GALNT16: variants seen among roughly 807,000 people sequenced by gnomAD.
GALNT16 encodes polypeptide N-acetylgalactosaminyltransferase 16, also known as UDP-GalNAc:polypeptide N-acetylgalactosaminyltransferase-like protein 1.
GALNT16 carries 40 observed loss-of-function variants against 76.1 expected under a neutral mutation model. The ratio of observed to expected loss-of-function variants is 0.53; its 90% confidence interval spans 0.41 to 0.68. GALNT16 has a LOEUF of 0.68. Ranked by LOEUF, GALNT16 falls within the 30% of genes least tolerant of loss-of-function variation. The probability of loss-of-function intolerance (pLI) is 0.00; values close to 1 mark genes in which losing one functional copy is unlikely to be tolerated. For missense variants in GALNT16, 621 were observed against 731.9 expected, an observed-to-expected ratio of 0.85 and a Z score of 1.75; for synonymous variants, 276 against 285.2, an observed-to-expected ratio of 0.97 and a Z score of 0.32.
intron 1 of GALNT16, among the ~76,000 whole-genome samples, chr14:69,262,233 A>AGC (rs1372707955): frequency 6.6e-6 from 1 of 152,126 alleles, no homozygotes; most frequent in Non-Finnish European, 1.5e-5. Context: ...GAGAGGAGGG[A>AGC]AGAGAGCACA....
chr14:69,294,184 C>T (rs1359263645), intron 1 of GALNT16, among the ~76,000 whole-genome samples: 2 of 151,366 alleles, frequency 1.3e-5, no homozygotes, highest in Non-Finnish European at 2.9e-5. Context: ...TGCAATGGTG[C>T]GATCTCGGCT....
At chr14:69,332,655 T>A (rs1460935376) in intron 7 of GALNT16, 1 of 163,260 alleles carries the variant, frequency 6.1e-6, no homozygotes, top group Non-Finnish European at 1.3e-5. Flanking sequence ...CTTTGGGAAA[T>A]CACCTCAGGG....
the GALNT16 span, chr14:69,380,381 T>C: frequency 1.6e-5 from 7 of 448,478 alleles, no homozygotes; most frequent in Admixed American, 7.1e-5. Flanking sequence ...GGGTTTCCGA[T>C]TGAACAAGAT....
rs181060353 is a variant in GALNT16 at position 69,318,890 on chromosome 14, G to A, written c.178-1821G>A. ...ACAAAAAGAATCACTCTCCCTTTCA[G>A]AGTTGGATGGCTTGGATCCTTCTGG... On this transcript the variant is annotated intron_variant, in intron 1 of 14. Coordinates refer to ENST00000448469, the MANE Select transcript of GALNT16 (RefSeq NM_001168368.2). 5.9e-5 allele frequency among the ~76,000 whole-genome samples: 9 copies of A among 152,384 alleles called. No individual in the cohort carries two copies. In the East Asian group the frequency reaches 1.7e-3, roughly 29 times the overall value.
chr14:69,340,189 G>A (rs1001520371), intron 11 of GALNT16, among the ~76,000 whole-genome samples: 61 of 152,110 alleles, frequency 4.0e-4, no homozygotes, highest in Admixed American at 1.6e-3. Flanking sequence ...TCTTATTTCC[G>A]TTGTGGGTGC....
intron 11 of GALNT16, among the ~76,000 whole-genome samples, chr14:69,341,158 A>G (rs996271409): frequency 6.6e-6 from 1 of 152,148 alleles, no homozygotes; most frequent in East Asian, 1.9e-4. Context: ...TGTAGAGGAA[A>G]CTGAGGCTCA....
intron 12 of GALNT16, among the ~76,000 whole-genome samples, chr14:69,342,180 G>C (rs1472335704): frequency 6.6e-6 from 1 of 152,018 alleles, no homozygotes; most frequent in African/African-American, 2.4e-5. Flanking sequence ...AGGCACAGTG[G>C]GTTATGCCTG....
At chr14:69,311,302 A>G (rs1194777657) in intron 1 of GALNT16, among the ~76,000 whole-genome samples, 3 of 152,164 alleles carry the variant, frequency 2.0e-5, no homozygotes, top group Non-Finnish European at 4.4e-5. Flanking sequence ...TAAAGGTGTG[A>G]ACTCTCTCTG....
intron 1 of GALNT16, among the ~76,000 whole-genome samples, chr14:69,307,556 C>A (rs989351873): frequency 6.6e-6 from 1 of 152,120 alleles, no homozygotes; most frequent in African/African-American, 2.4e-5. Context: ...CTTGACACCC[C>A]AAGGCAGTAC....
At chr14:69,316,166 T>G (rs1043211641) in intron 1 of GALNT16, among the ~76,000 whole-genome samples, 1 of 152,060 alleles carries the variant, frequency 6.6e-6, no homozygotes, top group Non-Finnish European at 1.5e-5. Flanking sequence ...AGCCTATGAG[T>G]GGGGAAGAAG....
chr14:69,275,866 G>A (rs571441202), intron 1 of GALNT16, among the ~76,000 whole-genome samples: 3 of 152,242 alleles, frequency 2.0e-5, no homozygotes, highest in South Asian at 2.1e-4. Flanking sequence ...GTATTAGTCC[G>A]TTTTCACGCT....
In GALNT16 at chr14:69,261,595, T is replaced by G. The variant is rs2044273964; in HGVS notation, c.177+1128T>G. 1.4e-5 allele frequency among the ~76,000 whole-genome samples: 2 copies of G among 141,916 alleles called. No homozygotes were observed. Among genetic ancestry groups the G allele is most frequent in the Non-Finnish European group, 1.5e-5 (1 of 64,876 alleles). The allele number at this position is 141,916 out of a possible 152,430, so 93.1% of individuals were successfully genotyped here. A position where few individuals can be genotyped will look rare whatever the true frequency, so the allele number is the denominator to read the frequency against. On this transcript the variant is annotated intron_variant, in intron 1 of 14. Coordinates refer to ENST00000448469, the MANE Select transcript of GALNT16 (RefSeq NM_001168368.2). This position sits in a 1 kb window ranked among gnomAD's most constrained non-coding sequence, Gnocchi z 6.4. The stretch of plus-strand genomic sequence containing the variant: ...AGATCTGGGCCTGGGGGTGGAGGGG[T>G]GAGGAGATCCGCGGGGGAGGTGCAA...
intron 1 of GALNT16, among the ~76,000 whole-genome samples, chr14:69,289,043 A>G (rs540401424): frequency 6.6e-6 from 1 of 152,212 alleles, no homozygotes; most frequent in Non-Finnish European, 1.5e-5. Flanking sequence ...ATGCCTGGCT[A>G]ATTTTTAAAT....
At chr14:69,343,886 G>T (rs757778589) in intron 12 of GALNT16, among the ~76,000 whole-genome samples, 1 of 152,208 alleles carries the variant, frequency 6.6e-6, no homozygotes, top group Non-Finnish European at 1.5e-5. Flanking sequence ...AACCAGCTAC[G>T]TCGATGAGGA....
At chr14:69,268,510 C>T (rs960378562) in intron 1 of GALNT16, among the ~76,000 whole-genome samples, 23 of 152,054 alleles carry the variant, frequency 1.5e-4, no homozygotes, top group Non-Finnish European at 2.6e-4. Flanking sequence ...TAGGAGGGGC[C>T]CCTCCTGCCT....
At chr14:69,307,373 G>C (rs1223507387) in intron 1 of GALNT16, among the ~76,000 whole-genome samples, 3 of 152,216 alleles carry the variant, frequency 2.0e-5, no homozygotes. Context: ...AGTCCTCACT[G>C]TTTCAGCATT....
rs376472949 is a variant in GALNT16, at chr14:69,352,215, C to T, written c.*47C>T. 1.6e-5 allele frequency: 25 copies of T among 1,536,580 alleles called. No individual in the cohort carries two copies. The highest frequency in any genetic ancestry group is 4.9e-5 in the South Asian group (4 of 80,860). ...TACCTTTTGCATGAGACTTCGGGAC[C>T]GGAAGGGGGTTAGGGTGGGGGAGTG... On this transcript the variant is annotated 3_prime_UTR_variant, in exon 15 of 15. Transcript: ENST00000448469.
chr14:69,340,134 A>G (rs1182074388), intron 11 of GALNT16, among the ~76,000 whole-genome samples: 1 of 152,222 alleles, frequency 6.6e-6, no homozygotes, highest in Non-Finnish European at 1.5e-5. Flanking sequence ...AGGATAGAAA[A>G]TAAGAGTTGA....
At chr14:69,324,029 G>C (rs2045241321) in intron 2 of GALNT16, among the ~76,000 whole-genome samples, 1 of 152,170 alleles carries the variant, frequency 6.6e-6, no homozygotes, top group Non-Finnish European at 1.5e-5. Context: ...GGAGCCAGTA[G>C]GCCAGAAAAT....
Sources: allele counts gnomAD v4.1 joint callset (sites outside exome capture counted in the v4.1 genomes callset), GRCh38; gene constraint gnomAD v4.1.1; non-coding constraint Gnocchi (gnomAD v3.1); transcripts MANE v1.5; gene names NCBI Gene and HGNC (gene_info 2026-07-23, HGNC 2026-07-21).